SMARCD3: variants seen among roughly 807,000 people sequenced by gnomAD.
SMARCD3 encodes SWI/SNF related BAF chromatin remodeling complex subunit D3.
Under a neutral mutation model 58.0 loss-of-function variants are expected in SMARCD3, and 14 were observed. That is an observed-to-expected ratio of 0.24 (90% CI 0.16 to 0.38). SMARCD3 has a LOEUF of 0.38. SMARCD3 is among the 10% of genes least tolerant of loss of function. The pLI is 1.00. For missense variants in SMARCD3, 408 were observed against 636.9 expected, an observed-to-expected ratio of 0.64 and a Z score of 3.87; for synonymous variants, 253 against 253.8, an observed-to-expected ratio of 1.00 and a Z score of 0.03.
upstream of SMARCD3, among the ~76,000 whole-genome samples, chr7:151,251,928 GGCCCGCGCCGCCCCTCCCTCC>G (rs1214666133): frequency 6.8e-6 from 1 of 147,144 alleles, no homozygotes; most frequent in South Asian, 2.1e-4. Context: ...GGGCCGGCCC[GGCCCGCGCCGCCCCTCCCTCC>G]GCCCGCGCCG....
intron 2 of SMARCD3, among the ~76,000 whole-genome samples, chr7:151,260,692 G>T (rs1251848229): frequency 6.6e-6 from 1 of 152,074 alleles, no homozygotes; most frequent in Non-Finnish European, 1.5e-5. Context: ...GCCAAGCGGT[G>T]CCCTCGGACA....
chr7:151,247,471 C>T (rs1803323425), intron 1 of SMARCD3, among the ~76,000 whole-genome samples: 1 of 152,096 alleles, frequency 6.6e-6, no homozygotes, highest in Non-Finnish European at 1.5e-5. Context: ...CTGAAGAGGC[C>T]CTGAGAGGGA....
At chr7:151,267,375 G>A (rs1445940695) in intron 2 of SMARCD3, among the ~76,000 whole-genome samples, 1 of 152,218 alleles carries the variant, frequency 6.6e-6, no homozygotes, top group Non-Finnish European at 1.5e-5. Context: ...AATGTTGAAA[G>A]TGAGGCTCAA....
At chr7:151,244,047 C>A (rs1803135512) in intron 2 of SMARCD3, among the ~76,000 whole-genome samples, 1 of 152,136 alleles carries the variant, frequency 6.6e-6, no homozygotes, top group Non-Finnish European at 1.5e-5. Context: ...TGAGGGAGGA[C>A]AAAGGAGAGG....
At chr7:151,254,970 G>A (rs1384435948) in intron 2 of SMARCD3, among the ~76,000 whole-genome samples, 1 of 152,170 alleles carries the variant, frequency 6.6e-6, no homozygotes, top group African/African-American at 2.4e-5. Flanking sequence ...CGGGCAGTGG[G>A]ATGTGTAAAT....
chr7:151,275,378 T>G, intron 1 of SMARCD3: 66 of 520,260 alleles, frequency 1.3e-4, no homozygotes, highest in Middle Eastern at 3.0e-4. Context: ...AAAAAGGGCC[T>G]AGGATGGAGG....
chr7:151,250,666 C>T (rs1803484255), upstream of SMARCD3, among the ~76,000 whole-genome samples: 2 of 151,974 alleles, frequency 1.3e-5, no homozygotes, highest in African/African-American at 2.4e-5. Context: ...TGCTCATTGC[C>T]ATCTACCCAG....
upstream of SMARCD3, among the ~76,000 whole-genome samples, chr7:151,251,587 G>A (rs1385594889): frequency 1.3e-5 from 2 of 152,140 alleles, no homozygotes; most frequent in South Asian, 2.1e-4. Context: ...CCAGAAGGGC[G>A]CTCGGTGTGC....
chr7:151,251,650 T>A (rs956155096), upstream of SMARCD3, among the ~76,000 whole-genome samples: 1 of 151,602 alleles, frequency 6.6e-6, no homozygotes, highest in Non-Finnish European at 1.5e-5. Flanking sequence ...AGAGCGTGGA[T>A]TCCTCCCAGC....
At chr7:151,262,899 G>A (rs931243274) in intron 2 of SMARCD3, among the ~76,000 whole-genome samples, 8 of 134,588 alleles carry the variant, frequency 5.9e-5, no homozygotes, top group African/African-American at 8.5e-5. Flanking sequence ...TTATCTTGGC[G>A]AGAGTCATGA....
In SMARCD3 at chr7:151,248,577, C is replaced by T. The variant is rs752586145; in HGVS notation, c.-15G>A. The T allele has an allele frequency of 6.2e-7, 1 of 1,613,554 alleles. No individual in the cohort carries two copies. Among genetic ancestry groups the T allele is most frequent in the Non-Finnish European group, 8.5e-7 (1 of 1,179,648 alleles). On this transcript the variant is annotated 5_prime_UTR_variant, in exon 1 of 13. Transcript: ENST00000262188. This position sits in a 1 kb window ranked among gnomAD's most constrained non-coding sequence, Gnocchi z 6.1. ...TCCGCGGCCATCGGGGTGGGCTCAGCGGCTCCTCTCACTCTCTCTCTCTCT... is the reference window on the plus strand; with the variant it reads ...TCCGCGGCCATCGGGGTGGGCTCAGTGGCTCCTCTCACTCTCTCTCTCTCT...
Position 151,239,403 on chromosome 7 carries a change from T to G in SMARCD3, c.1391A>C (p.Tyr464Ser), listed in dbSNP as rs1329321387. ...GCAAGGGTCCCTGCATACCTTGCAG[T>G]AGAAGTAGCGACTGACGGCCTCCTG... The part of the protein sequence containing the change: ...WSQEAVSRYF[Y>S]CKIQQRRQEL... The change falls in exon 12 of 13, where the codon TAC (tyrosine) becomes TCC (serine). Residue 464 changes from tyrosine (Y) to serine (S), a missense_variant. By Grantham distance (144) the Tyr-to-Ser change is moderately radical (BLOSUM62 -2). This residue lies in a region of SMARCD3 where 81 missense variants were observed against 109.7 expected (regional missense o/e 0.74). Coordinates refer to ENST00000262188, the MANE Select transcript of SMARCD3 (RefSeq NM_001003801.2). The surrounding 1 kb of genome is among the most constrained non-coding windows in gnomAD (Gnocchi z 7.0). The G allele has an allele frequency of 1.9e-6, 3 of 1,612,298 alleles. No individual in the cohort carries two copies. The highest frequency in any genetic ancestry group is 2.5e-6 in the Non-Finnish European group (3 of 1,178,660).
At chr7:151,262,509 C>T (rs1803950082) in intron 2 of SMARCD3, among the ~76,000 whole-genome samples, 1 of 152,252 alleles carries the variant, frequency 6.6e-6, no homozygotes, top group African/African-American at 2.4e-5. Flanking sequence ...GCTCCTCTGC[C>T]TTCTGTCCTC....
In SMARCD3 at chr7:151,242,082, G is replaced by T. The variant is rs1373533792; in HGVS notation, c.675+55C>A. 6 of 1,544,312 alleles carry T rather than the reference G, an allele frequency of 3.9e-6. No homozygotes were observed. The highest frequency in any genetic ancestry group is 1.7e-5 in the Admixed American group (1 of 59,854). The stretch of plus-strand genomic sequence containing the variant: ...CCCAAATCTGTGCTGGTTCTTCAGG[G>T]ATTCTGGCCTGTGGGAGGGTGGCAA... On this transcript the variant is annotated intron_variant, in intron 6 of 12. Transcript: ENST00000262188. The surrounding 1 kb of genome is among the most constrained non-coding windows in gnomAD (Gnocchi z 4.7).
chr7:151,261,007 T>A (rs1803900600), intron 2 of SMARCD3, among the ~76,000 whole-genome samples: 1 of 152,140 alleles, frequency 6.6e-6, no homozygotes. Context: ...ATGGCTACAG[T>A]GGCACCAAGA....
intron 1 of SMARCD3, among the ~76,000 whole-genome samples, chr7:151,247,204 T>C (rs1803309683): frequency 6.6e-6 from 1 of 151,970 alleles, no homozygotes; most frequent in African/African-American, 2.4e-5. Context: ...TCACAGCCAC[T>C]CAAGAACTGA....
intron 2 of SMARCD3, among the ~76,000 whole-genome samples, chr7:151,253,709 T>C (rs1381476044): frequency 2.6e-5 from 4 of 152,086 alleles, no homozygotes; most frequent in Admixed American, 2.6e-4. Context: ...ACACACCCCA[T>C]AAAAACGTGC....
chr7:151,239,697 A>G lies in SMARCD3; in HGVS notation c.1223T>C (p.Phe408Ser). 6.2e-7 allele frequency: 1 copy of G among 1,613,940 alleles called. No individual in the cohort carries two copies. Among genetic ancestry groups the G allele is most frequent in the Non-Finnish European group, 8.5e-7 (1 of 1,179,920 alleles). The change falls in exon 11 of 13, where the codon TTC becomes TCC. Residue 408 changes from phenylalanine (F) to serine (S), a missense_variant. By Grantham distance (155) the Phe-to-Ser change is radical. Coordinates refer to ENST00000262188, the MANE Select transcript of SMARCD3 (RefSeq NM_001003801.2). This position sits in a 1 kb window ranked among gnomAD's most constrained non-coding sequence, Gnocchi z 7.0. ...GGGGTCTCTGGAGAAGCTTAGCATG[A>G]AGTCCCTCTGGATCTTGAGCTGGTT... ...SINQLKIQRD[F>S]MLSFSRDPKG...
chr7:151,255,561 C>T (rs1490113139), intron 2 of SMARCD3, among the ~76,000 whole-genome samples: 2 of 152,210 alleles, frequency 1.3e-5, no homozygotes, highest in African/African-American at 4.8e-5. Flanking sequence ...CATTCCTTGG[C>T]AGCTCCTCTT....
Sources: gnomAD v4.1 joint callset for allele counts (sites outside exome capture counted in the v4.1 genomes callset) on GRCh38, gnomAD v4.1.1 for gene constraint, gnomAD v4.1.1 regional missense constraint, Gnocchi (gnomAD v3.1) non-coding constraint, MANE v1.5 for transcripts, NCBI Gene and HGNC (gene_info 2026-07-23, HGNC 2026-07-21) for gene names.